Variants in ZNF366 observed in about 807,000 individuals in gnomAD.
ZNF366 encodes dendritic cell-specific transcript protein.
Under a neutral mutation model 47.2 loss-of-function variants are expected in ZNF366, and 20 were observed. The ratio of observed to expected loss-of-function variants is 0.42; its 90% confidence interval spans 0.30 to 0.62. ZNF366 has a LOEUF of 0.62. Ranked by LOEUF, ZNF366 falls within the 20% of genes least tolerant of loss-of-function variation. The pLI, the probability that ZNF366 is intolerant of heterozygous loss-of-function variation, is 0.16. For missense variants in ZNF366, 987 were observed against 976.3 expected (o/e 1.01, Z -0.15); for synonymous variants, 421 against 395.1 (o/e 1.07, Z -0.78).
In ZNF366 at chr5:72,443,561, A is replaced by G; in HGVS notation, c.*195T>C. 2 of 598,126 alleles carry G rather than the reference A, an allele frequency of 3.3e-6. No individual in the cohort carries two copies. Among genetic ancestry groups the G allele is most frequent in the Non-Finnish European group, 5.8e-6 (2 of 344,228 alleles). The allele number at this position is 598,126 out of a possible 1,614,324, so 37.1% of individuals were successfully genotyped here. On this transcript the variant is annotated 3_prime_UTR_variant, in exon 5 of 5. Coordinates refer to ENST00000318442, the MANE Select transcript of ZNF366 (RefSeq NM_152625.3). Reference sequence around the variant, plus strand: ...AACGCCACTGATGAAGACCCTGCACATGTGTGAAGGGTATCAAGGGCCCCG... The same window carrying G: ...AACGCCACTGATGAAGACCCTGCACGTGTGTGAAGGGTATCAAGGGCCCCG...
intron 1 of ZNF366, among the ~76,000 whole-genome samples, chr5:72,491,708 G>C (rs920054922): frequency 7.9e-5 from 12 of 152,172 alleles, no homozygotes; most frequent in Admixed American, 4.6e-4. Context: ...AACAACACTG[G>C]TAAGAAGGTA....
At chr5:72,478,830 G>A (rs1027473026) in intron 1 of ZNF366, among the ~76,000 whole-genome samples, 3 of 152,302 alleles carry the variant, frequency 2.0e-5, no homozygotes, top group Admixed American at 6.5e-5. Context: ...TCATTCAGAC[G>A]GCTCAAGTCT....
rs1412120441 is a variant in ZNF366 at position 72,507,262 on chromosome 5, G to T, written c.-26C>A. 12 of 985,548 alleles carry T rather than the reference G, an allele frequency of 1.2e-5. No homozygotes were observed. The highest frequency in any genetic ancestry group is 1.3e-5 in the Non-Finnish European group (11 of 830,064). The allele number at this position is 985,548 out of a possible 1,614,324, so 61.1% of individuals were successfully genotyped here. ...CATGGGTAACTTACCAGCTCCTGAG[G>T]TCTGAATGGCTGCAGCAGCCCCACT... On this transcript the variant is annotated 5_prime_UTR_variant, in exon 1 of 5. Transcript: ENST00000318442.
chr5:72,471,355 AT>A (rs1233496489), intron 1 of ZNF366, among the ~76,000 whole-genome samples: 1 of 152,042 alleles, frequency 6.6e-6, no homozygotes, highest in African/African-American at 2.4e-5. Context: ...CTTCATATTG[AT>A]TTTTTTCTAT....
intron 3 of ZNF366, among the ~76,000 whole-genome samples, chr5:72,452,372 T>C (rs1743091664): frequency 6.6e-6 from 1 of 152,232 alleles, no homozygotes; most frequent in Non-Finnish European, 1.5e-5. Context: ...GGCGGTCCCC[T>C]GGGGACATGT....
rs149603735 is a variant in ZNF366 at position 72,461,163 on chromosome 5, G to A, written c.334C>T (p.Leu112Phe). The change falls in exon 2 of 5, where the codon CTC becomes TTC. Residue 112 changes from leucine (L) to phenylalanine (F), a missense_variant. Physicochemically the swap from Leu to Phe is conservative, Grantham distance 22. This residue lies in a region of ZNF366 where 591 missense variants were observed against 560.9 expected (regional missense o/e 1.05). Coordinates refer to ENST00000318442, the MANE Select transcript of ZNF366 (RefSeq NM_152625.3). ...GGGGGCTGCGGGAACAGCAAAGGGA[G>A]GTTGGGAAGGCCGTGGTTTTTGTTC... ...EENKNHGLPN[L>F]PLLFPQPPRP... The A allele has an allele frequency of 6.7e-4, 1,089 of 1,614,194 alleles. 3 individuals are homozygous for A. Among genetic ancestry groups the A allele is most frequent in the Middle Eastern group, 4.3e-3 (26 of 6,062 alleles).
chr5:72,445,768 T>C (rs1056742217), intron 4 of ZNF366, among the ~76,000 whole-genome samples: 2 of 152,152 alleles, frequency 1.3e-5, no homozygotes, highest in African/African-American at 4.8e-5. Flanking sequence ...TCCGGAAAAA[T>C]CCAGGTCTAG....
At chr5:72,468,470 C>T (rs775186472) in intron 1 of ZNF366, among the ~76,000 whole-genome samples, 40 of 152,166 alleles carry the variant, frequency 2.6e-4, no homozygotes, top group Non-Finnish European at 5.3e-4. Flanking sequence ...CAATTGAACT[C>T]ACAAAATCAA....
intron 2 of ZNF366, among the ~76,000 whole-genome samples, chr5:72,456,886 T>C (rs1026098110): frequency 6.6e-6 from 1 of 152,176 alleles, no homozygotes; most frequent in Non-Finnish European, 1.5e-5. Flanking sequence ...TCTCCAGTGA[T>C]AGTTCTTGAG....
intron 1 of ZNF366, among the ~76,000 whole-genome samples, chr5:72,499,470 G>A (rs964185600): frequency 6.8e-6 from 1 of 146,760 alleles, no homozygotes; most frequent in South Asian, 2.2e-4. Context: ...AGCACTTCAG[G>A]AATCCTGCCT....
Position 72,443,871 on chromosome 5 carries a change from C to A in ZNF366, c.2120G>T (p.Ser707Ile), listed in dbSNP as rs768140909. The A allele has an allele frequency of 1.2e-6, 2 of 1,614,102 alleles. No individual in the cohort carries two copies. The highest frequency in any genetic ancestry group is 1.7e-5 in the Admixed American group (1 of 60,008). ...DECLSLRAFQ[S>I]TRRGPSFSDY... The stretch of plus-strand genomic sequence containing the variant: ...AGAAAAAGAGGGGCCCCGCCGGGTA[C>A]TCTGAAAAGCCCTGAGACTGAGACA... The change falls in exon 5 of 5, where the codon AGT (serine) becomes ATT (isoleucine). Residue 707 changes from serine (S) to isoleucine (I), a missense_variant. Ser to Ile is a moderately radical substitution (Grantham distance 142, BLOSUM62 -2). This residue lies in a region of ZNF366 where 285 missense variants were observed against 234.8 expected (regional missense o/e 1.21). Coordinates refer to ENST00000318442, the MANE Select transcript of ZNF366 (RefSeq NM_152625.3).
intron 3 of ZNF366, among the ~76,000 whole-genome samples, chr5:72,455,144 G>A (rs560831928): frequency 7.9e-5 from 12 of 152,336 alleles, no homozygotes; most frequent in East Asian, 1.9e-4. Flanking sequence ...GGAAACAGAA[G>A]TGGGTGGCAG....
chr5:72,506,835 A>T (rs1313903591), intron 1 of ZNF366, among the ~76,000 whole-genome samples: 1 of 152,194 alleles, frequency 6.6e-6, no homozygotes, highest in African/African-American at 2.4e-5. Context: ...GGGCACCTCA[A>T]TCCAGGTAAC....
chr5:72,489,040 C>T (rs1016985647), intron 1 of ZNF366, among the ~76,000 whole-genome samples: 1 of 152,156 alleles, frequency 6.6e-6, no homozygotes, highest in Non-Finnish European at 1.5e-5. Context: ...CACATGAGCA[C>T]AAATGACATG....
chr5:72,477,333 C>T lies in ZNF366; in HGVS notation c.-14-15823G>A, dbSNP rs148288976. On this transcript the variant is annotated intron_variant, in intron 1 of 4. Transcript: ENST00000318442. Reference sequence around the variant, plus strand: ...AAATATCCAGTGGCACTGATCCAAGCGTCTACATTAAGTGTGGAGGAATGG... The same window carrying T: ...AAATATCCAGTGGCACTGATCCAAGTGTCTACATTAAGTGTGGAGGAATGG... Among the ~76,000 whole-genome samples, 883 of 152,264 alleles carry T rather than the reference C, an allele frequency of 5.8e-3. 8 individuals carry two copies. The highest frequency in any genetic ancestry group is 0.019 in the African/African-American group (788 of 41,534).
chr5:72,492,366 A>G (rs975986103), intron 1 of ZNF366, among the ~76,000 whole-genome samples: 4 of 152,182 alleles, frequency 2.6e-5, no homozygotes, highest in Admixed American at 2.6e-4. Flanking sequence ...TATCATCACT[A>G]TGACCTGTCA....
chr5:72,465,155 T>A (rs1490664629), intron 1 of ZNF366, among the ~76,000 whole-genome samples: 2 of 152,216 alleles, frequency 1.3e-5, no homozygotes, highest in African/African-American at 4.8e-5. Flanking sequence ...GATGTTTTTC[T>A]GCATAAAGAC....
At chr5:72,462,507 T>TTTTTTCTTTCTTTCTTTCTTTCTTTC (rs1743336162) in intron 1 of ZNF366, among the ~76,000 whole-genome samples, 1 of 82,462 alleles carries the variant, frequency 1.2e-5, no homozygotes, top group African/African-American at 6.2e-5. Context: ...TCCTTGCCAG[T>TTTTTTCTTTCTTTCTTTCTTTCTTTC]TTTCTTTCTT....
chr5:72,477,140 A>G (rs1378519827), intron 1 of ZNF366, among the ~76,000 whole-genome samples: 1 of 152,230 alleles, frequency 6.6e-6, no homozygotes, highest in Non-Finnish European at 1.5e-5. Context: ...TCTAACAACA[A>G]ACAACTAAAT....
Sources: allele counts gnomAD v4.1 joint callset (sites outside exome capture counted in the v4.1 genomes callset), GRCh38; gene constraint gnomAD v4.1.1; regional missense constraint gnomAD v4.1.1; transcripts MANE v1.5; gene names NCBI Gene and HGNC (gene_info 2026-07-23, HGNC 2026-07-21).